The following COQ8A variants were observed in gnomAD, a reference collection of about 807,000 sequenced individuals.
COQ8A encodes the protein coenzyme Q8A.
COQ8A carries 51 observed loss-of-function variants against 65.0 expected under a neutral mutation model. The observed-to-expected ratio is 0.78, with a 90% CI of 0.63 to 0.99. The LOEUF is 0.99. Ranked by LOEUF, COQ8A falls within the 50% of genes least tolerant of loss-of-function variation. COQ8A has a pLI of 0.00. For synonymous variants in COQ8A, 371 were observed against 353.2 expected (o/e 1.05, Z -0.57); for missense variants, 940 against 875.0 (o/e 1.07, Z -0.94).
Position 226,982,030 on chromosome 1 carries a change from A to G in COQ8A, c.734A>G (p.Lys245Arg), listed in dbSNP as rs1464984046. The change falls in exon 6 of 15, where the codon AAG becomes AGG. Residue 245 changes from lysine (K) to arginine (R), a missense_variant. Physicochemically the swap from Lys to Arg is conservative, Grantham distance 26. Transcript: ENST00000366777. ...KSLRSEDPSG[K>R]KAVLGSSPFL... ...GACCCCTCTTGCCCGCCCACAGGGAAGAAGGCCGTGCTGGGTTCCAGTCCT... is the reference window on the plus strand; with the variant it reads ...GACCCCTCTTGCCCGCCCACAGGGAGGAAGGCCGTGCTGGGTTCCAGTCCT... The G allele has an allele frequency of 1.2e-6, 2 of 1,612,736 alleles. No individual in the cohort carries two copies. Among genetic ancestry groups the G allele is most frequent in the Admixed American group, 1.7e-5 (1 of 60,002 alleles).
In COQ8A at chr1:226,985,308, G is replaced by A. The variant is rs1225338468; in HGVS notation, c.1627G>A (p.Glu543Lys). The A allele has an allele frequency of 3.1e-6, 5 of 1,613,824 alleles. No individual in the cohort carries two copies. The highest frequency in any genetic ancestry group is 1.7e-5 in the Admixed American group (1 of 60,028). ...GGAGACTGTGCGGGCGAAATCCATA[G>A]AGATGAAGTTCCTCACCGGCTACGA... ...DRETVRAKSI[E>K]MKFLTGYEVK... The change falls in exon 14 of 15, where the codon GAG (glutamate) becomes AAG (lysine). Residue 543 changes from glutamate to lysine, a missense_variant. Glu to Lys is a moderately conservative substitution (Grantham distance 56, BLOSUM62 1). Transcript: ENST00000366777.
intron 6 of COQ8A, 23 bp from the exon 7 acceptor site, chr1:226,982,655 T>A (rs1335869829): frequency 1.2e-6 from 2 of 1,611,858 alleles, no homozygotes. Flanking sequence ...AGGTTCGCCC[T>A]GTGTCATTCT....
At chr1:226,957,564 A>C (rs1044379199) in intron 1 of COQ8A, among the ~76,000 whole-genome samples, 1 of 152,174 alleles carries the variant, frequency 6.6e-6, no homozygotes. Context: ...GATGAGTGAC[A>C]GACAGTGAGT....
chr1:226,977,598 T>TGTGCTCC, intron 5 of COQ8A, 75 bp downstream of exon 5: 1 of 1,482,752 alleles, frequency 6.7e-7, no homozygotes, highest in Non-Finnish European at 9.2e-7. Flanking sequence ...CAGCCCCACC[T>TGTGCTCC]GTGCTCTGGG....
chr1:226,984,601 C>G lies in COQ8A; in HGVS notation c.1452C>G (p.Phe484Leu), dbSNP rs748304950. 5 of 1,614,196 alleles carry G rather than the reference C, an allele frequency of 3.1e-6. No homozygotes were observed. In the Admixed American group the frequency reaches 8.3e-5, roughly 27 times the overall value. Residue 484 changes from phenylalanine (F) to leucine (L), a missense_variant, in exon 12 of 15, where the codon TTC becomes TTG. Phe to Leu is a conservative substitution (Grantham distance 22). Coordinates refer to ENST00000366777, the MANE Select transcript of COQ8A (RefSeq NM_020247.5). ...LCLRELFEFHFMQTDPNWSNF... is the reference protein window; with the variant it reads ...LCLRELFEFHLMQTDPNWSNF... ...TGAGGGAGCTGTTCGAGTTCCACTTCATGCAAACAGACCCCAACTGGTCCA... is the reference window on the plus strand; with the variant it reads ...TGAGGGAGCTGTTCGAGTTCCACTTGATGCAAACAGACCCCAACTGGTCCA...
At chr1:226,953,964 A>G (rs1005884423) in intron 1 of COQ8A, among the ~76,000 whole-genome samples, 3 of 152,216 alleles carry the variant, frequency 2.0e-5, no homozygotes, top group Admixed American at 6.5e-5. Context: ...CTAAGAGTAA[A>G]AAAGGAAAAA....
intron 1 of COQ8A, among the ~76,000 whole-genome samples, chr1:226,952,514 C>T (rs1657445878): frequency 6.6e-6 from 1 of 152,114 alleles, no homozygotes; most frequent in African/African-American, 2.4e-5. Context: ...TCCCTGGGCT[C>T]AAGCGATCCT....
intron 5 of COQ8A, among the ~76,000 whole-genome samples, chr1:226,979,469 G>A (rs183578837): frequency 5.9e-5 from 9 of 152,314 alleles, no homozygotes; most frequent in South Asian, 2.1e-4. Flanking sequence ...AACCGTCTGC[G>A]TGTGGATCTT....
intron 6 of COQ8A, 189 bp downstream of exon 6, chr1:226,982,338 A>C: frequency 1.1e-6 from 1 of 884,974 alleles, no homozygotes; most frequent in Non-Finnish European, 1.7e-6. Flanking sequence ...CACATGGAAT[A>C]AAGAGCAGAG....
Position 226,986,931 on chromosome 1 carries a change from G to A in COQ8A, c.*194G>A, listed in dbSNP as rs1361669768. On this transcript the variant is annotated 3_prime_UTR_variant, in exon 15 of 15. Coordinates refer to ENST00000366777, the MANE Select transcript of COQ8A (RefSeq NM_020247.5). ...GTTGTAGGGTGAGAAGTGCAAGAAT[G>A]AAGATGAAGCCCCACTGCTCGGTCA... The A allele has an allele frequency of 2.4e-5, 16 of 674,594 alleles. No individual in the cohort carries two copies. Among genetic ancestry groups the A allele is most frequent in the Non-Finnish European group, 3.7e-5 (15 of 400,554 alleles). 41.8% of individuals were successfully genotyped at this position (674,594 alleles called of 1,614,324 possible). A position where few individuals can be genotyped will look rare whatever the true frequency, so the allele number is the denominator to read the frequency against.
rs530703368 is a variant in COQ8A, at chr1:226,946,912, G to A, written c.-10+6513G>A. ...CCAGAGGCAGTCTTCAGTGTAGGGCGTCTGCCTCTTTCCACTATTTATGTT... is the reference window on the plus strand; with the variant it reads ...CCAGAGGCAGTCTTCAGTGTAGGGCATCTGCCTCTTTCCACTATTTATGTT... On this transcript the variant is annotated intron_variant, in intron 1 of 14. Coordinates refer to ENST00000366777, the MANE Select transcript of COQ8A (RefSeq NM_020247.5). This position sits in a 1 kb window ranked among gnomAD's most constrained non-coding sequence, Gnocchi z 5.3. Among the ~76,000 whole-genome samples the A allele has an allele frequency of 3.3e-5, 5 of 152,214 alleles. No individual in the cohort carries two copies. Among genetic ancestry groups the A allele is most frequent in the South Asian group, 2.1e-4 (1 of 4,822 alleles).
chr1:226,968,146 A>G (rs1258496016), intron 4 of COQ8A, among the ~76,000 whole-genome samples: 1 of 152,216 alleles, frequency 6.6e-6, no homozygotes, highest in Non-Finnish European at 1.5e-5. Context: ...AGCCTGGCCA[A>G]CATGGTGAAA....
At chr1:226,960,608 C>T (rs867377022) in intron 1 of COQ8A, among the ~76,000 whole-genome samples, 4,205 of 67,436 alleles carry the variant, frequency 0.062, 231 homozygotes, top group African/African-American at 0.2. Flanking sequence ...GCGGCAGTGG[C>T]GGTGGTGATG....
At position 226,975,832 on chromosome 1, in the gene COQ8A, G is replaced by A. The variant is rs540489226; in HGVS notation, c.656-1617G>A. Among the ~76,000 whole-genome samples the A allele has an allele frequency of 7.2e-5, 11 of 152,230 alleles. No individual in the cohort carries two copies. In the South Asian group the frequency reaches 1.9e-3, roughly 26 times the overall value. On this transcript the variant is annotated intron_variant, in intron 4 of 14. Transcript: ENST00000366777. ...GCCCAGGTGTGGGTAAAAATGTATC[G>A]CAAAAACATTTTTTTAAAAATTGAG...
At chr1:226,971,337 G>A (rs1658900002) in intron 4 of COQ8A, among the ~76,000 whole-genome samples, 1 of 152,062 alleles carries the variant, frequency 6.6e-6, no homozygotes, top group African/African-American at 2.4e-5. Context: ...TGGATCATGA[G>A]GTCAAGAGAT....
rs188599627 is a variant in COQ8A at position 226,965,683 on chromosome 1, G to T, written c.601G>T (p.Ala201Ser). ...KQHKQTLSEH[A>S]RERKVPVTRI... The stretch of plus-strand genomic sequence containing the variant: ...CGTCTCCCTCCAGCTCAGCGAGCAT[G>T]CCCGGGAGCGGAAGGTGCCTGTGAC... The change falls in exon 4 of 15, where the codon GCC becomes TCC. Residue 201 changes from alanine (A) to serine (S), a missense_variant. By Grantham distance (99) the Ala-to-Ser change is moderately conservative (BLOSUM62 1). Coordinates refer to ENST00000366777, the MANE Select transcript of COQ8A (RefSeq NM_020247.5). The T allele has an allele frequency of 1.2e-6, 2 of 1,614,064 alleles. No homozygotes were observed. The highest frequency in any genetic ancestry group is 4.5e-5 in the East Asian group (2 of 44,876).
At chr1:226,982,443 C>T (rs922945966) in intron 6 of COQ8A, 1 of 644,340 alleles carries the variant, frequency 1.6e-6, no homozygotes, top group East Asian at 2.7e-5. Context: ...TTATGAAAAA[C>T]TCTGCATGTT....
At chr1:226,975,083 A>C (rs1375484192) in intron 4 of COQ8A, 1 of 152,250 alleles carries the variant, frequency 6.6e-6, no homozygotes, top group Admixed American at 6.5e-5. Context: ...GGTGAAGGTC[A>C]CTGCAGTGCA....
At chr1:226,961,149 G>A (rs1658229818) in intron 1 of COQ8A, among the ~76,000 whole-genome samples, 1 of 152,180 alleles carries the variant, frequency 6.6e-6, no homozygotes, top group African/African-American at 2.4e-5. Context: ...CAAGCACACC[G>A]CACCACTGAC....
Sources: allele counts gnomAD v4.1 joint callset (sites outside exome capture counted in the v4.1 genomes callset), GRCh38; gene constraint gnomAD v4.1.1; non-coding constraint Gnocchi (gnomAD v3.1); transcripts MANE v1.5; gene names NCBI Gene and HGNC (gene_info 2026-07-23, HGNC 2026-07-21).